CRMP1: variants seen among roughly 807,000 people sequenced by gnomAD.
The protein encoded by CRMP1 is dihydropyrimidinase-related protein 1.
Under a neutral mutation model 68.3 loss-of-function variants are expected in CRMP1, and 19 were observed. That is an observed-to-expected ratio of 0.28 (90% CI 0.19 to 0.41). The LOEUF is 0.41. Ranked by LOEUF, CRMP1 falls within the 10% of genes least tolerant of loss-of-function variation. CRMP1 has a pLI of 1.00. For missense variants in CRMP1, 791 were observed against 967.4 expected (o/e 0.82, Z 2.42); for synonymous variants, 439 against 399.6 (o/e 1.10, Z -1.18).
intron 1 of CRMP1, chr4:5,887,598 G>T: frequency 1.0e-6 from 1 of 984,946 alleles, no homozygotes; most frequent in Non-Finnish European, 1.2e-6. Flanking sequence ...ACCCTCTCGC[G>T]GCCCAGCGTC....
rs143620559 is a variant in CRMP1, at chr4:5,825,431, G to T, written c.1969+63C>A. ...CCACGTGTCCATTTCCTCAGAAGCA[G>T]CAGGAAGGACTCGGCCTGAACTGCT... On this transcript the variant is annotated intron_variant, in intron 13 of 13. Transcript: ENST00000324989. This position sits in a 1 kb window ranked among gnomAD's most constrained non-coding sequence, Gnocchi z 4.4. 1.3e-5 allele frequency: 19 copies of T among 1,501,036 alleles called. 1 individual carries two copies. In the East Asian group the frequency reaches 4.7e-4, roughly 37 times the overall value. 93.0% of individuals were successfully genotyped at this position (1,501,036 alleles called of 1,614,324 possible).
Position 5,888,539 on chromosome 4 carries a change from C to A in CRMP1, c.381+4050G>T. The A allele has an allele frequency of 8.6e-7, 1 of 1,162,028 alleles. No individual in the cohort carries two copies. Among genetic ancestry groups the A allele is most frequent in the Non-Finnish European group, 1.1e-6 (1 of 943,124 alleles). 72.0% of individuals were successfully genotyped at this position (1,162,028 alleles called of 1,614,324 possible). A position where few individuals can be genotyped will look rare whatever the true frequency, so the allele number is the denominator to read the frequency against. ...GAGGGCGGGAGGAGGGGGCTGCAGA[C>A]AGCTCCTCCCGGCGGCGCGGAGCGA... On this transcript the variant is annotated intron_variant, in intron 1 of 13. Transcript: ENST00000324989. This position sits in a 1 kb window ranked among gnomAD's most constrained non-coding sequence, Gnocchi z 6.4.
At chr4:5,869,526 C>CA (rs951346132) in intron 1 of CRMP1, among the ~76,000 whole-genome samples, 30 of 150,396 alleles carry the variant, frequency 2.0e-4, no homozygotes, top group Non-Finnish European at 3.4e-4. Context: ...ACTAAAAATA[C>CA]AAAAAAAATT....
intron 1 of CRMP1, among the ~76,000 whole-genome samples, chr4:5,871,749 C>T (rs1714469305): frequency 6.6e-6 from 1 of 152,158 alleles, no homozygotes; most frequent in African/African-American, 2.4e-5. Flanking sequence ...CAGATCCTTG[C>T]CTCTGCTGAT....
chr4:5,843,058 G>C lies in CRMP1; in HGVS notation c.1032+35C>G. On this transcript the variant is annotated intron_variant, in intron 7 of 13. Transcript: ENST00000324989. The surrounding 1 kb of genome is among the most constrained non-coding windows in gnomAD (Gnocchi z 4.1). ...CATCAAGGTGAGTGCTCAGTGGTGA[G>C]TGTCAGAGTCATGCCCAAGTTGAGG... 1.9e-6 allele frequency: 3 copies of C among 1,600,706 alleles called. No homozygotes were observed. Among genetic ancestry groups the C allele is most frequent in the Non-Finnish European group, 2.6e-6 (3 of 1,168,456 alleles).
Position 5,866,231 on chromosome 4 carries a change from TCTC to T in CRMP1, c.470+434_470+436del, listed in dbSNP as rs1469229209. On this transcript the variant is annotated intron_variant, in intron 2 of 13. Coordinates refer to ENST00000324989, the MANE Select transcript of CRMP1 (RefSeq NM_001014809.3). This position sits in a 1 kb window ranked among gnomAD's most constrained non-coding sequence, Gnocchi z 5.9. Reference sequence around the variant, plus strand: ...CCACACATTCCTCCTTCCTCTCTGCTCTCCTCAACCCAATTCCAGAAACTGTGG... The same window carrying T: ...CCACACATTCCTCCTTCCTCTCTGCTCTCAACCCAATTCCAGAAACTGTGG... 2.0e-5 allele frequency among the ~76,000 whole-genome samples: 3 copies of T among 152,088 alleles called. No homozygotes were observed. Among genetic ancestry groups the T allele is most frequent in the Admixed American group, 6.5e-5 (1 of 15,278 alleles).
intron 2 of CRMP1, among the ~76,000 whole-genome samples, chr4:5,864,328 C>G (rs1713823001): frequency 6.6e-6 from 1 of 152,132 alleles, no homozygotes; most frequent in African/African-American, 2.4e-5. Flanking sequence ...AGCCCAGAGC[C>G]CCCACACAAA....
intron 9 of CRMP1, among the ~76,000 whole-genome samples, chr4:5,837,198 T>C (rs555111594): frequency 2.0e-5 from 3 of 152,240 alleles, no homozygotes; most frequent in Non-Finnish European, 4.4e-5. Flanking sequence ...GTGCTGTGCT[T>C]GCAGAACAAA....
chr4:5,839,441 G>T, intron 9 of CRMP1, 81 bp downstream of exon 9: 1 of 1,509,770 alleles, frequency 6.6e-7, no homozygotes, highest in Non-Finnish European at 8.9e-7. Flanking sequence ...GTCCAAACCA[G>T]CCTGCGGATT....
rs116730772 is a variant in CRMP1 at position 5,854,235 on chromosome 4, C to T, written c.820+1908G>A. ...GTAGTTGCAGTGAATCACGCAGCAACTGCAATACAAGGATAATGCCTTTTT... is the reference window on the plus strand; with the variant it reads ...GTAGTTGCAGTGAATCACGCAGCAATTGCAATACAAGGATAATGCCTTTTT... On this transcript the variant is annotated intron_variant, in intron 4 of 13. Transcript: ENST00000324989. The surrounding 1 kb of genome is among the most constrained non-coding windows in gnomAD (Gnocchi z 4.0). Among the ~76,000 whole-genome samples, 2 of 152,070 alleles carry T rather than the reference C, an allele frequency of 1.3e-5. No homozygotes were observed. The highest frequency in any genetic ancestry group is 2.9e-5 in the Non-Finnish European group (2 of 68,014).
chr4:5,839,928 G>A (rs1177330052), intron 8 of CRMP1, among the ~76,000 whole-genome samples: 1 of 152,194 alleles, frequency 6.6e-6, no homozygotes, highest in African/African-American at 2.4e-5. Context: ...CCAGCAACCT[G>A]TGGATATGGC....
At chr4:5,837,121 AG>A (rs1281773127) in intron 9 of CRMP1, among the ~76,000 whole-genome samples, 2 of 152,206 alleles carry the variant, frequency 1.3e-5, no homozygotes, top group African/African-American at 4.8e-5. Flanking sequence ...TTACAAAGTG[AG>A]TAATGTGTGC....
intron 1 of CRMP1, among the ~76,000 whole-genome samples, chr4:5,871,470 C>G (rs903319395): frequency 1.3e-5 from 2 of 152,084 alleles, no homozygotes; most frequent in Admixed American, 1.3e-4. Context: ...ACCATCCTGG[C>G]TAACATGGTG....
At position 5,850,176 on chromosome 4, in the gene CRMP1, C is replaced by T. The variant is rs1712515536; in HGVS notation, c.883-704G>A. On this transcript the variant is annotated intron_variant, in intron 5 of 13. Transcript: ENST00000324989. The surrounding 1 kb of genome is among the most constrained non-coding windows in gnomAD (Gnocchi z 4.4). Reference sequence around the variant, plus strand: ...TTGAACCTCAACTTTGTTCTCCATGCATGCAAGACAACATCCCCTCGGATG... The same window carrying T: ...TTGAACCTCAACTTTGTTCTCCATGTATGCAAGACAACATCCCCTCGGATG... Among the ~76,000 whole-genome samples, 1 of 152,196 alleles carries T rather than the reference C, an allele frequency of 6.6e-6. No homozygotes were observed. Among genetic ancestry groups the T allele is most frequent in the African/African-American group, 2.4e-5 (1 of 41,464 alleles).
At chr4:5,862,467 G>A (rs944238030) in intron 2 of CRMP1, among the ~76,000 whole-genome samples, 1 of 152,172 alleles carries the variant, frequency 6.6e-6, no homozygotes, top group African/African-American at 2.4e-5. Context: ...AAACGTGTGG[G>A]CTTGCCAAGA....
At position 5,889,063 on chromosome 4, in the gene CRMP1, GC is replaced by G. The variant is rs1246728029; in HGVS notation, c.381+3525del. On this transcript the variant is annotated intron_variant, in intron 1 of 13. Coordinates refer to ENST00000324989, the MANE Select transcript of CRMP1 (RefSeq NM_001014809.3). The surrounding 1 kb of genome is among the most constrained non-coding windows in gnomAD (Gnocchi z 4.5). Reference sequence around the variant, plus strand: ...CCTGAATAGTCTACCCCAGACAAAAGCCTGTCCACTCCCCTAGACCCATCTC... The same window carrying G: ...CCTGAATAGTCTACCCCAGACAAAAGCTGTCCACTCCCCTAGACCCATCTC... Among the ~76,000 whole-genome samples the G allele has an allele frequency of 6.6e-6, 1 of 151,944 alleles. No individual in the cohort carries two copies. Among genetic ancestry groups the G allele is most frequent in the Non-Finnish European group, 1.5e-5 (1 of 67,954 alleles).
Position 5,825,900 on chromosome 4 carries a change from G to C in CRMP1, c.1804-241C>G, listed in dbSNP as rs879602050. The C allele has an allele frequency of 0.035, 18,760 of 531,396 alleles. 430 individuals carry two copies. The highest frequency in any genetic ancestry group is 0.056 in the African/African-American group (2,807 of 50,146). 32.9% of individuals were successfully genotyped at this position (531,396 alleles called of 1,614,324 possible). ...ACATACCCACATGCATACACATACA[G>C]ACGCACACACCACGCACACGCACTC... On this transcript the variant is annotated intron_variant, in intron 12 of 13. Transcript: ENST00000324989. This position sits in a 1 kb window ranked among gnomAD's most constrained non-coding sequence, Gnocchi z 4.4.
chr4:5,856,136 A>T lies in CRMP1; in HGVS notation c.820+7T>A. On this transcript the variant is annotated splice_region_variant and intron_variant, in intron 4 of 13. Coordinates refer to ENST00000324989, the MANE Select transcript of CRMP1 (RefSeq NM_001014809.3). ...CCCCAAAACCCCGTTCCGAGGCTTT[A>T]ACTGACCTTTGTCCTGCACCAGCAC... 1 of 1,613,660 alleles carries T rather than the reference A, an allele frequency of 6.2e-7. No homozygotes were observed. The highest frequency in any genetic ancestry group is 8.5e-7 in the Non-Finnish European group (1 of 1,179,764).
Position 5,892,691 on chromosome 4 carries a change from G to A in CRMP1, c.279C>T (p.Gly93=). ...DTASDVSEPS[G]SAVSSPGERD... is the part of the protein sequence containing the mutation. ...GCTCTCCGGGAGAGCTGACCGCGGAGCCCGAGGGCTCGCTCACGTCGCTGG... is the reference window on the plus strand; with the variant it reads ...GCTCTCCGGGAGAGCTGACCGCGGAACCCGAGGGCTCGCTCACGTCGCTGG... The change falls in exon 1 of 14, where the codon GGC becomes GGT. Residue 93 remains glycine, a synonymous_variant. Transcript: ENST00000324989. The surrounding 1 kb of genome is among the most constrained non-coding windows in gnomAD (Gnocchi z 8.6). The A allele has an allele frequency of 8.2e-7, 1 of 1,222,318 alleles. No individual in the cohort carries two copies. The highest frequency in any genetic ancestry group is 1.0e-6 in the Non-Finnish European group (1 of 981,368). 75.7% of individuals were successfully genotyped at this position (1,222,318 alleles called of 1,614,324 possible).
Sources: allele counts gnomAD v4.1 joint callset (sites outside exome capture counted in the v4.1 genomes callset), GRCh38; gene constraint gnomAD v4.1.1; non-coding constraint Gnocchi (gnomAD v3.1); transcripts MANE v1.5; gene names NCBI Gene and HGNC (gene_info 2026-07-23, HGNC 2026-07-21).